Variants in RIMBP2 observed in about 807,000 individuals in gnomAD.
RIMBP2 encodes the protein RIMS-binding protein 2.
Under a neutral mutation model 118.6 loss-of-function variants are expected in RIMBP2, and 48 were observed. The observed-to-expected ratio is 0.40, with a 90% CI of 0.32 to 0.51. The LOEUF (loss-of-function observed/expected upper bound fraction) is 0.51. Among genes scored for constraint, RIMBP2 ranks in the 20% least tolerant of loss-of-function variants. The pLI is 0.41. For missense variants in RIMBP2, 1,551 were observed against 1,768.3 expected (o/e 0.88, Z 2.20); for synonymous variants, 762 against 742.9 (o/e 1.03, Z -0.42).
intron 2 of RIMBP2, among the ~76,000 whole-genome samples, chr12:130,616,100 C>G (rs1211897137): frequency 6.6e-6 from 1 of 152,082 alleles, no homozygotes; most frequent in African/African-American, 2.4e-5. Context: ...GGCTCTGTGT[C>G]CAAGAAGGGA....
At chr12:130,501,761 G>A (rs1410199677) in intron 4 of RIMBP2, among the ~76,000 whole-genome samples, 1 of 152,234 alleles carries the variant, frequency 6.6e-6, no homozygotes, top group East Asian at 1.9e-4. Context: ...CTGCTGCTAT[G>A]CACAGACACT....
rs565151303 is a variant in RIMBP2 at position 130,437,203 on chromosome 12, C to T, written c.1745G>A (p.Arg582Gln). Residue 582 changes from arginine to glutamine, a missense_variant, in exon 13 of 23, where the codon CGG becomes CAG. By Grantham distance (43) the Arg-to-Gln change is conservative. Around this residue, in one of 5 missense-constraint regions of RIMBP2, gnomAD observed 1,038 missense variants for 1,125.1 expected, o/e 0.92. Transcript: ENST00000690449. ...RSLEAKGVTVRTLSAQGESVD... is the reference protein window; with the variant it reads ...RSLEAKGVTVQTLSAQGESVD... ...GGACTCGCCCTGGGCGGAGAGGGTC[C>T]GCACGGTCACGCCCTTGGCCTCCAG... is the stretch of plus-strand genomic sequence containing the variant. The T allele has an allele frequency of 6.9e-6, 11 of 1,583,834 alleles. No homozygotes were observed. The highest frequency in any genetic ancestry group is 1.1e-5 in the South Asian group (1 of 87,616).
chr12:130,640,559 G>A (rs973506805), intron 1 of RIMBP2, among the ~76,000 whole-genome samples: 1 of 152,208 alleles, frequency 6.6e-6, no homozygotes, highest in African/African-American at 2.4e-5. Context: ...ACTAAGAAAG[G>A]TTCAAAGCAT....
chr12:130,445,332 G>A (rs1285799563), intron 9 of RIMBP2, 63 bp from the exon 10 acceptor site: 19 of 1,170,728 alleles, frequency 1.6e-5, no homozygotes, highest in Admixed American at 1.3e-4. Context: ...ACCCCTGTCC[G>A]TGCAGAACGC....
intron 4 of RIMBP2, 52 bp from the exon 5 acceptor site, chr12:130,479,068 C>G: frequency 1.4e-6 from 2 of 1,467,430 alleles, no homozygotes; most frequent in South Asian, 2.4e-5. Flanking sequence ...TGCCCATGGG[C>G]GTGCATCCTA....
intron 2 of RIMBP2, among the ~76,000 whole-genome samples, chr12:130,611,715 G>A (rs368391139): frequency 2.6e-4 from 39 of 152,236 alleles, no homozygotes; most frequent in African/African-American, 8.4e-4. Context: ...ATGCTGCGGA[G>A]TCTTGGATTC....
intron 3 of RIMBP2, among the ~76,000 whole-genome samples, chr12:130,508,060 C>T (rs1181581979): frequency 6.6e-6 from 1 of 152,104 alleles, no homozygotes; most frequent in Non-Finnish European, 1.5e-5. Context: ...TATCAGGCAA[C>T]GAACTTAGAG....
chr12:130,487,789 G>C (rs576112003), intron 4 of RIMBP2, among the ~76,000 whole-genome samples: 1 of 152,008 alleles, frequency 6.6e-6, no homozygotes, highest in Non-Finnish European at 1.5e-5. Flanking sequence ...GTGCACCCCC[G>C]GCCCAGAACA....
chr12:130,399,991 A>G (rs1241912839), intron 21 of RIMBP2, among the ~76,000 whole-genome samples, 178 bp from the exon 22 acceptor site: 1 of 152,202 alleles, frequency 6.6e-6, no homozygotes, highest in African/African-American at 2.4e-5. Flanking sequence ...AGCAACATGC[A>G]GAGTCCTAAG....
Position 130,688,414 on chromosome 12 carries a change from C to T in RIMBP2, c.-352+27808G>A, listed in dbSNP as rs1053070024. 1.4e-4 allele frequency among the ~76,000 whole-genome samples: 21 copies of T among 152,300 alleles called. No homozygotes were observed. Among genetic ancestry groups the T allele is most frequent in the East Asian group, 1.9e-4 (1 of 5,168 alleles). ...CTCTGGGGCCATTGGATAACACATA[C>T]GTTTGCTTAGGTATCAGATCTAATG... On this transcript the variant is annotated intron_variant, in intron 1 of 22. Coordinates refer to ENST00000690449, the MANE Select transcript of RIMBP2 (RefSeq NM_001393629.1). The surrounding 1 kb of genome is among the most constrained non-coding windows in gnomAD (Gnocchi z 4.7).
chr12:130,711,592 T>C (rs1410280945), intron 1 of RIMBP2, among the ~76,000 whole-genome samples: 1 of 152,240 alleles, frequency 6.6e-6, no homozygotes, highest in Admixed American at 6.5e-5. Flanking sequence ...AAGTTTATAT[T>C]GTGTGAAGGT....
At chr12:130,694,975 G>A (rs2065497769) in intron 1 of RIMBP2, among the ~76,000 whole-genome samples, 1 of 152,198 alleles carries the variant, frequency 6.6e-6, no homozygotes, top group Non-Finnish European at 1.5e-5. Context: ...CTGAGGATAA[G>A]CGAGATCCCA....
intron 2 of RIMBP2, among the ~76,000 whole-genome samples, chr12:130,562,809 T>G (rs2056919855): frequency 6.6e-6 from 1 of 152,206 alleles, no homozygotes; most frequent in South Asian, 2.1e-4. Flanking sequence ...ACCAAGTGCC[T>G]TCTCAATTCT....
intron 2 of RIMBP2, among the ~76,000 whole-genome samples, chr12:130,563,244 A>C (rs958602188): frequency 1.3e-5 from 2 of 152,242 alleles, no homozygotes; most frequent in Non-Finnish European, 2.9e-5. Context: ...TTCCACAAAT[A>C]AATGAATTAC....
intron 1 of RIMBP2, among the ~76,000 whole-genome samples, chr12:130,646,769 T>C (rs1358952216): frequency 6.6e-6 from 1 of 152,240 alleles, no homozygotes; most frequent in Non-Finnish European, 1.5e-5. Flanking sequence ...CAGGGGCGAA[T>C]GATTTATTGC....
At chr12:130,614,282 C>T (rs978084819) in intron 2 of RIMBP2, among the ~76,000 whole-genome samples, 1 of 152,196 alleles carries the variant, frequency 6.6e-6, no homozygotes, top group Non-Finnish European at 1.5e-5. Context: ...CCACAGGAAT[C>T]AGCGAAAACC....
At chr12:130,432,344 T>A in intron 14 of RIMBP2, 2 of 456,050 alleles carry the variant, frequency 4.4e-6, no homozygotes, top group South Asian at 1.6e-5. Context: ...AATAAGAGCT[T>A]ACGTTTACTG....
chr12:130,653,425 A>G (rs942852195), intron 1 of RIMBP2, among the ~76,000 whole-genome samples: 6 of 152,254 alleles, frequency 3.9e-5, no homozygotes, highest in African/African-American at 9.6e-5. Context: ...TGCAAGGGGT[A>G]GGCTCCTGTG....
chr12:130,588,930 G>T (rs2059087001), intron 2 of RIMBP2, among the ~76,000 whole-genome samples: 1 of 152,198 alleles, frequency 6.6e-6, no homozygotes, highest in African/African-American at 2.4e-5. Context: ...AAGCCCCACG[G>T]GGGATTTGCA....
Sources: gnomAD v4.1 joint callset for allele counts (sites outside exome capture counted in the v4.1 genomes callset) on GRCh38, gnomAD v4.1.1 for gene constraint, gnomAD v4.1.1 regional missense constraint, Gnocchi (gnomAD v3.1) non-coding constraint, MANE v1.5 for transcripts, NCBI Gene and HGNC (gene_info 2026-07-23, HGNC 2026-07-21) for gene names.